The following JADE1 variants were observed in gnomAD, a reference collection of about 807,000 sequenced individuals.
JADE1 encodes the protein jade family PHD finger 1.
JADE1 carries 14 observed loss-of-function variants against 81.8 expected under a neutral mutation model. The ratio of observed to expected loss-of-function variants is 0.17; its 90% CI spans 0.11 to 0.27. The LOEUF is 0.27. Ranked by LOEUF, JADE1 falls within the 10% of genes least tolerant of loss-of-function variation. JADE1 has a pLI of 1.00. For synonymous variants in JADE1, 353 were observed against 391.9 expected, an observed-to-expected ratio of 0.90 and a Z score of 1.17; for missense variants, 690 against 1,047.9, an observed-to-expected ratio of 0.66 and a Z score of 4.71.
chr4:128,871,672 C>A lies in JADE1; in HGVS notation c.1939C>A (p.Gln647Lys), dbSNP rs537542852. 1.9e-6 allele frequency: 3 copies of A among 1,614,122 alleles called. No homozygotes were observed. In the South Asian group the frequency reaches 3.3e-5, roughly 18 times the overall value. ...FAEARLISAQ[Q>K]KNGVVMPDHG... is the part of the protein sequence containing the mutation. ...AGAAGCACGTCTCATATCAGCACAA[C>A]AGAAAAATGGTGTGGTGATGCCAGA... Residue 647 changes from glutamine to lysine, a missense_variant, in exon 11 of 11, where the codon CAG (glutamine) becomes AAG (lysine). Physicochemically the swap from Gln to Lys is moderately conservative, Grantham distance 53 (BLOSUM62 1). This residue lies in a region of JADE1 where 218 missense variants were observed against 274.3 expected (regional missense o/e 0.79). Coordinates refer to ENST00000226319, the MANE Select transcript of JADE1 (RefSeq NM_199320.4). This position sits in a 1 kb window ranked among gnomAD's most constrained non-coding sequence, Gnocchi z 4.1.
chr4:128,842,499 C>G (rs777829575), intron 2 of JADE1, among the ~76,000 whole-genome samples: 1 of 152,098 alleles, frequency 6.6e-6, no homozygotes, highest in Non-Finnish European at 1.5e-5. Flanking sequence ...GGGGTTTCAC[C>G]AAGTTGGCCA....
At chr4:128,811,630 G>C (rs1258025990) in intron 1 of JADE1, among the ~76,000 whole-genome samples, 4 of 78,968 alleles carry the variant, frequency 5.1e-5, no homozygotes, top group African/African-American at 1.3e-4. Context: ...TGCGCCGCCC[G>C]GGCCGGGGTG....
intron 1 of JADE1, among the ~76,000 whole-genome samples, chr4:128,814,898 T>C (rs1287582561): frequency 6.6e-6 from 1 of 151,882 alleles, no homozygotes; most frequent in Non-Finnish European, 1.5e-5. Flanking sequence ...GCTAGCTTGG[T>C]TAGTTTTAAT....
rs147143384 is a variant in JADE1, at chr4:128,872,702, T to C, written c.*440T>C. 1 of 287,348 alleles carries C rather than the reference T, an allele frequency of 3.5e-6. No homozygotes were observed. The highest frequency in any genetic ancestry group is 2.2e-5 in the African/African-American group (1 of 45,754). 17.8% of individuals were successfully genotyped at this position (287,348 alleles called of 1,614,324 possible). On this transcript the variant is annotated 3_prime_UTR_variant, in exon 11 of 11. Coordinates refer to ENST00000226319, the MANE Select transcript of JADE1 (RefSeq NM_199320.4). The stretch of plus-strand genomic sequence containing the variant: ...GCCCATAAAGTTTATTTTCTAGGAC[T>C]GTGGTAGATCTTGAAATCATATTTA...
chr4:128,862,959 G>A (rs1172044781), intron 9 of JADE1: 17 of 986,048 alleles, frequency 1.7e-5, no homozygotes, highest in East Asian at 1.1e-4. Flanking sequence ...GTCTGTGTGC[G>A]GGTATGGGTG....
chr4:128,817,517 A>G (rs1435566949), intron 1 of JADE1, among the ~76,000 whole-genome samples: 1 of 152,212 alleles, frequency 6.6e-6, no homozygotes, highest in African/African-American at 2.4e-5. Flanking sequence ...TCCCACTTAA[A>G]CCAGGGTAAG....
chr4:128,839,409 G>A (rs1729243619), intron 2 of JADE1, among the ~76,000 whole-genome samples: 1 of 152,164 alleles, frequency 6.6e-6, no homozygotes, highest in Admixed American at 6.5e-5. Context: ...GTTAGTGGAT[G>A]GTATCTCAGT....
chr4:128,810,410 T>G (rs1218336849), intron 1 of JADE1: 2 of 151,582 alleles, frequency 1.3e-5, no homozygotes, highest in Non-Finnish European at 2.9e-5. Context: ...TAAACGCGTT[T>G]AGGAGCAGAA....
chr4:128,857,903 T>G (rs1730928347), intron 8 of JADE1, among the ~76,000 whole-genome samples: 1 of 152,176 alleles, frequency 6.6e-6, no homozygotes, highest in Non-Finnish European at 1.5e-5. Flanking sequence ...GATTGCAGGT[T>G]TCCATGGTGT....
chr4:128,841,799 A>G (rs1448681849), intron 2 of JADE1, among the ~76,000 whole-genome samples: 1 of 152,136 alleles, frequency 6.6e-6, no homozygotes, highest in African/African-American at 2.4e-5. Context: ...GTTCAGGAGA[A>G]ACCCATGTTG....
chr4:128,829,369 T>C (rs1216937018), intron 1 of JADE1, among the ~76,000 whole-genome samples: 2 of 152,238 alleles, frequency 1.3e-5, no homozygotes, highest in Non-Finnish European at 2.9e-5. Context: ...TCAGGACTTA[T>C]GTTCAGCCTT....
intron 10 of JADE1, 114 bp downstream of exon 10, chr4:128,868,087 T>C (rs1731914112): frequency 3.5e-6 from 2 of 572,954 alleles, no homozygotes; most frequent in African/African-American, 3.7e-5. Context: ...TTAAGAAGCA[T>C]AGACGTTCAT....
intron 1 of JADE1, among the ~76,000 whole-genome samples, chr4:128,815,633 A>T (rs941741882): frequency 4.6e-5 from 7 of 152,206 alleles, no homozygotes; most frequent in African/African-American, 1.4e-4. Context: ...AAACATCAAG[A>T]TATCAAATAC....
At chr4:128,831,512 G>T in intron 1 of JADE1, 1 of 542,062 alleles carries the variant, frequency 1.8e-6, no homozygotes, top group Non-Finnish European at 3.3e-6. Context: ...GAGACCTACT[G>T]ATATGTGACT....
At chr4:128,863,107 T>A in intron 9 of JADE1, 2 of 985,810 alleles carry the variant, frequency 2.0e-6, no homozygotes, top group Non-Finnish European at 2.4e-6. Context: ...TGCTGGCATT[T>A]CCTTCTGCTG....
chr4:128,857,361 G>A lies in JADE1; in HGVS notation c.888G>A (p.Lys296=). Residue 296 remains lysine, a synonymous_variant, in exon 8 of 11, where the codon AAG becomes AAA. Transcript: ENST00000226319. ...IPEVSIGSPE[K]MEPITKVSHI... ...AGGTGAGCATTGGCAGCCCAGAGAA[G>A]ATGGAGCCCATCACCAAGGTGTCAC... The A allele has an allele frequency of 6.2e-7, 1 of 1,614,168 alleles. No individual in the cohort carries two copies. Among genetic ancestry groups the A allele is most frequent in the Non-Finnish European group, 8.5e-7 (1 of 1,180,004 alleles).
intron 9 of JADE1, chr4:128,863,913 T>C: frequency 1.0e-6 from 1 of 985,368 alleles, no homozygotes; most frequent in South Asian, 4.7e-5. Flanking sequence ...AAAATAAAAG[T>C]GTAGAAAATG....
intron 5 of JADE1, among the ~76,000 whole-genome samples, chr4:128,849,755 T>A (rs759672538): frequency 3.3e-5 from 5 of 152,186 alleles, no homozygotes; most frequent in Non-Finnish European, 5.9e-5. Flanking sequence ...TTCTGCAAGC[T>A]CATTTTAGCG....
intron 9 of JADE1, chr4:128,863,395 A>G (rs1731527469): frequency 1.0e-6 from 1 of 985,524 alleles, no homozygotes; most frequent in Non-Finnish European, 1.2e-6. Flanking sequence ...AAGGTACCCA[A>G]GTGGCCTGAA....
Sources: allele counts gnomAD v4.1 joint callset (sites outside exome capture counted in the v4.1 genomes callset), GRCh38; gene constraint gnomAD v4.1.1; regional missense constraint gnomAD v4.1.1; non-coding constraint Gnocchi (gnomAD v3.1); transcripts MANE v1.5; gene names NCBI Gene and HGNC (gene_info 2026-07-23, HGNC 2026-07-21).